CSGALNACT1: variants seen among roughly 807,000 people sequenced by gnomAD.
CSGALNACT1 encodes beta4GalNAcT-1.
A neutral mutation model predicts 51.0 loss-of-function variants in CSGALNACT1; 52 were observed. The ratio of observed to expected loss-of-function variants is 1.02; its 90% CI spans 0.82 to 1.29. The LOEUF (loss-of-function observed/expected upper bound fraction) is 1.29. Ranked by LOEUF, CSGALNACT1 falls within the 50% of genes most tolerant of loss-of-function variation. The pLI is 0.00. For missense variants in CSGALNACT1, 935 were observed against 679.2 expected (o/e 1.38, Z -4.19); for synonymous variants, 341 against 254.4 (o/e 1.34, Z -3.24).
intron 4 of CSGALNACT1, among the ~76,000 whole-genome samples, chr8:19,487,314 G>T (rs1246305210): frequency 6.6e-6 from 1 of 152,120 alleles, no homozygotes; most frequent in Non-Finnish European, 1.5e-5. Context: ...CAGCGATGGT[G>T]TCTGGAAATA....
At chr8:19,668,910 T>C (rs2059583534) in intron 1 of CSGALNACT1, among the ~76,000 whole-genome samples, 1 of 152,204 alleles carries the variant, frequency 6.6e-6, no homozygotes, top group African/African-American at 2.4e-5. Flanking sequence ...GGAACACCCT[T>C]CTTGAAATAC....
At chr8:19,508,223 C>A (rs556464153) in intron 3 of CSGALNACT1, among the ~76,000 whole-genome samples, 4 of 152,216 alleles carry the variant, frequency 2.6e-5, no homozygotes, top group East Asian at 3.9e-4. Flanking sequence ...ATGTTAACAA[C>A]CTCCTTTACT....
intron 3 of CSGALNACT1, among the ~76,000 whole-genome samples, chr8:19,509,082 A>G (rs566391638): frequency 6.6e-6 from 1 of 152,214 alleles, no homozygotes; most frequent in Admixed American, 6.5e-5. Flanking sequence ...GCAGCAATGA[A>G]TTTTTCCTTT....
At chr8:19,531,235 A>C (rs1173370908) in intron 3 of CSGALNACT1, among the ~76,000 whole-genome samples, 1 of 152,226 alleles carries the variant, frequency 6.6e-6, no homozygotes, top group Non-Finnish European at 1.5e-5. Context: ...GAAACATTGA[A>C]ACCCCAAAAG....
Position 19,456,839 on chromosome 8 carries a change from A to G in CSGALNACT1, c.851+1587T>C, listed in dbSNP as rs566540009. On this transcript the variant is annotated intron_variant, in intron 5 of 9. Transcript: ENST00000454498. ...TAGGGAATATGAAAAAGCTAAGGGAATTGAGAACTGCTATACCTTGGAAAG... is the reference window on the plus strand; with the variant it reads ...TAGGGAATATGAAAAAGCTAAGGGAGTTGAGAACTGCTATACCTTGGAAAG... 1.5e-3 allele frequency among the ~76,000 whole-genome samples: 232 copies of G among 152,356 alleles called. 2 individuals are homozygous for G. The South Asian group carries it at 0.026, about 17-fold the overall frequency.
chr8:19,586,716 G>A (rs187346675), intron 3 of CSGALNACT1, among the ~76,000 whole-genome samples: 1 of 152,266 alleles, frequency 6.6e-6, no homozygotes, highest in East Asian at 1.9e-4. Flanking sequence ...CTGCTGGGTG[G>A]GATATTGTAC....
intron 4 of CSGALNACT1, among the ~76,000 whole-genome samples, chr8:19,504,741 A>C (rs577170639): frequency 2.0e-5 from 3 of 152,312 alleles, no homozygotes; most frequent in Non-Finnish European, 4.4e-5. Context: ...TAATTAATTA[A>C]ATTACACCTC....
chr8:19,439,249 C>A (rs2060906169), intron 6 of CSGALNACT1, among the ~76,000 whole-genome samples: 2 of 152,232 alleles, frequency 1.3e-5, no homozygotes, highest in South Asian at 2.1e-4. Flanking sequence ...AAATGTACAA[C>A]TGGAGGTCTC....
chr8:19,670,228 C>A (rs983924640), intron 1 of CSGALNACT1, among the ~76,000 whole-genome samples: 6 of 152,102 alleles, frequency 3.9e-5, no homozygotes, highest in African/African-American at 1.4e-4. Context: ...TTTAAATGAC[C>A]TCCACAGTCT....
At chr8:19,505,815 C>A (rs2077228358) in exon 4 of CSGALNACT1, 2 of 1,612,384 alleles carry the variant, frequency 1.2e-6, no homozygotes, top group Non-Finnish European at 1.7e-6. Flanking sequence ...CGCAAGCAGC[C>A]CCCGGCGAAC....
chr8:19,699,849 G>C (rs1346014920), intron 1 of CSGALNACT1, among the ~76,000 whole-genome samples: 1 of 152,098 alleles, frequency 6.6e-6, no homozygotes, highest in Admixed American at 6.6e-5. Context: ...CGGTGGCTCA[G>C]CCTGTAATCC....
At chr8:19,499,211 TG>T (rs915538546) in intron 4 of CSGALNACT1, among the ~76,000 whole-genome samples, 20 of 152,242 alleles carry the variant, frequency 1.3e-4, no homozygotes, top group Admixed American at 1.2e-3. Context: ...TCCTATACTC[TG>T]GGCTTGCGTA....
At chr8:19,543,140 T>C (rs1020891511) in intron 3 of CSGALNACT1, among the ~76,000 whole-genome samples, 1 of 152,202 alleles carries the variant, frequency 6.6e-6, no homozygotes, top group Admixed American at 6.5e-5. Flanking sequence ...ACTAGATGTA[T>C]ATTATATACA....
At chr8:19,505,406 A>G (rs1339285026) in exon 4 of CSGALNACT1, 8 of 1,614,062 alleles carry the variant, frequency 5.0e-6, no homozygotes, top group Non-Finnish European at 6.8e-6. Context: ...GCACTGCTGC[A>G]TACTCTGTGG....
intron 1 of CSGALNACT1, among the ~76,000 whole-genome samples, chr8:19,745,290 G>C (rs1465377855): frequency 1.3e-5 from 2 of 152,154 alleles, no homozygotes; most frequent in South Asian, 2.1e-4. Flanking sequence ...CCTTGACTTA[G>C]ATACAATGAT....
At chr8:19,630,358 T>G (rs999015620) in intron 1 of CSGALNACT1, among the ~76,000 whole-genome samples, 2 of 152,094 alleles carry the variant, frequency 1.3e-5, no homozygotes, top group African/African-American at 4.8e-5. Context: ...AATTTTAGAC[T>G]TACAGGAGAA....
At chr8:19,411,386 A>G (rs2055694550) in intron 8 of CSGALNACT1, among the ~76,000 whole-genome samples, 1 of 152,210 alleles carries the variant, frequency 6.6e-6, no homozygotes, top group Admixed American at 6.5e-5. Context: ...GTTCACGACT[A>G]CATCTCCAGC....
chr8:19,485,755 C>T (rs2072727672), intron 4 of CSGALNACT1, among the ~76,000 whole-genome samples: 3 of 73,844 alleles, frequency 4.1e-5, no homozygotes. Flanking sequence ...GCCACCTCAG[C>T]TTGCTTTTTT....
intron 1 of CSGALNACT1, among the ~76,000 whole-genome samples, chr8:19,610,939 C>T (rs1351119449): frequency 1.3e-5 from 2 of 152,264 alleles, no homozygotes; most frequent in African/African-American, 4.8e-5. Flanking sequence ...GAGCTGTCAA[C>T]GTCCACCCCG....
Sources: gnomAD v4.1 joint callset for allele counts (sites outside exome capture counted in the v4.1 genomes callset) on GRCh38, gnomAD v4.1.1 for gene constraint, MANE v1.5 for transcripts, NCBI Gene and HGNC (gene_info 2026-07-23, HGNC 2026-07-21) for gene names.